FSTL4: variants seen among roughly 807,000 people sequenced by gnomAD.
FSTL4 encodes the protein follistatin-related protein 4.
In FSTL4, 28 loss-of-function variants were observed where a neutral mutation model predicts 78.2. The observed-to-expected ratio is 0.36, with a 90% CI of 0.27 to 0.49. FSTL4 has a LOEUF of 0.49. Among genes scored for constraint, FSTL4 ranks in the 20% least tolerant of loss-of-function variants. FSTL4 has a pLI of 0.98. For synonymous variants in FSTL4, 422 were observed against 440.5 expected (o/e 0.96, Z 0.53); for missense variants, 922 against 1,084.9 (o/e 0.85, Z 2.11).
At chr5:133,553,521 G>A (rs1188776372) in intron 3 of FSTL4, among the ~76,000 whole-genome samples, 1 of 152,182 alleles carries the variant, frequency 6.6e-6, no homozygotes, top group African/African-American at 2.4e-5. Flanking sequence ...CCAACTTACT[G>A]AAACGCCCAG....
chr5:133,527,507 A>G (rs1318103), intron 3 of FSTL4, among the ~76,000 whole-genome samples: 38,164 of 151,374 alleles, frequency 0.25, 5,202 homozygotes, highest in East Asian at 0.41. Flanking sequence ...ACACACCCAT[A>G]AGTGCATTCA....
In FSTL4 at chr5:133,344,607, G is replaced by T. The variant is rs1263461043; in HGVS notation, c.410-27955C>A. ...TTTAGTTTGCTTAATATTTTATGAT[G>T]TCTTTCTGGTTTAGCAATTTGCCTT... is the stretch of plus-strand genomic sequence containing the variant. On this transcript the variant is annotated intron_variant, in intron 4 of 15. Transcript: ENST00000265342. Among the ~76,000 whole-genome samples the T allele has an allele frequency of 3.3e-5, 5 of 152,264 alleles. No individual in the cohort carries two copies. In the East Asian group the frequency reaches 9.6e-4, roughly 29 times the overall value.
intron 11 of FSTL4, 172 bp from the exon 12 acceptor site, chr5:133,221,038 G>T: frequency 1.4e-6 from 1 of 703,586 alleles, no homozygotes. Context: ...GTAGCTGGAT[G>T]GGTGCAGAGA....
chr5:133,706,529 T>A, the FSTL4 span, among the ~76,000 whole-genome samples: 1 of 152,220 alleles, frequency 6.6e-6, no homozygotes, highest in Non-Finnish European at 1.5e-5. Flanking sequence ...TTTAAGACTC[T>A]TAGAAGGCTT....
chr5:133,382,165 C>G (rs1755589670), intron 4 of FSTL4, among the ~76,000 whole-genome samples: 1 of 152,206 alleles, frequency 6.6e-6, no homozygotes, highest in South Asian at 2.1e-4. Flanking sequence ...TTTGCTCAGC[C>G]TCTCCTGCCA....
chr5:133,775,283 C>T, the FSTL4 span, among the ~76,000 whole-genome samples: 1 of 152,102 alleles, frequency 6.6e-6, no homozygotes, highest in African/African-American at 2.4e-5. Flanking sequence ...AGCATAAATC[C>T]CATGGTTTTA....
chr5:133,681,226 C>T, the FSTL4 span, among the ~76,000 whole-genome samples: 3 of 152,350 alleles, frequency 2.0e-5, no homozygotes, highest in East Asian at 3.9e-4. Context: ...CCGGGCAGTC[C>T]TTGGCAAGCG....
intron 3 of FSTL4, among the ~76,000 whole-genome samples, chr5:133,530,972 G>A (rs934550696): frequency 5.9e-5 from 9 of 152,230 alleles, no homozygotes; most frequent in Non-Finnish European, 1.2e-4. Flanking sequence ...CTGGACCACA[G>A]TAGGCTGTGC....
intron 6 of FSTL4, among the ~76,000 whole-genome samples, chr5:133,284,665 C>A (rs906114424): frequency 7.2e-5 from 11 of 152,202 alleles, no homozygotes; most frequent in Non-Finnish European, 1.3e-4. Context: ...CCTTGGGCAA[C>A]CCTCCTGGAG....
intron 3 of FSTL4, among the ~76,000 whole-genome samples, chr5:133,422,275 G>A (rs1010794591): frequency 1.3e-5 from 2 of 152,112 alleles, no homozygotes; most frequent in African/African-American, 2.4e-5. Context: ...AGAGTGGTAC[G>A]ATATGATCTA....
chr5:133,693,563 G>A, the FSTL4 span, among the ~76,000 whole-genome samples: 1 of 152,196 alleles, frequency 6.6e-6, no homozygotes, highest in South Asian at 2.1e-4. Context: ...CTTGGTTGCT[G>A]CAGCCCTGAC....
the FSTL4 span, among the ~76,000 whole-genome samples, chr5:133,653,492 C>T: frequency 6.6e-6 from 1 of 152,192 alleles, no homozygotes; most frequent in African/African-American, 2.4e-5. Flanking sequence ...AACTCAGGCC[C>T]CTGCCTAGCA....
intron 3 of FSTL4, among the ~76,000 whole-genome samples, chr5:133,511,555 G>A (rs1202370218): frequency 6.6e-6 from 1 of 152,176 alleles, no homozygotes; most frequent in African/African-American, 2.4e-5. Flanking sequence ...CCCAAAGGCT[G>A]CAACTCCAAA....
At chr5:133,817,729 C>A in the FSTL4 span, among the ~76,000 whole-genome samples, 1 of 152,162 alleles carries the variant, frequency 6.6e-6, no homozygotes, top group African/African-American at 2.4e-5. Flanking sequence ...GGAAAGGGAG[C>A]CCAGAAAATG....
intron 1 of FSTL4, among the ~76,000 whole-genome samples, chr5:133,604,434 G>A (rs1027906502): frequency 4.6e-5 from 7 of 152,194 alleles, no homozygotes; most frequent in South Asian, 2.1e-4. Flanking sequence ...ATGGCTGGGC[G>A]CAGTGGCTCA....
the FSTL4 span, among the ~76,000 whole-genome samples, chr5:133,694,471 C>T: frequency 2.0e-5 from 3 of 152,266 alleles, no homozygotes; most frequent in African/African-American, 4.8e-5. Flanking sequence ...TTGCTAGGTG[C>T]TAGGGCACCG....
the FSTL4 span, among the ~76,000 whole-genome samples, chr5:133,798,759 C>T: frequency 2.0e-5 from 3 of 152,104 alleles, no homozygotes; most frequent in East Asian, 5.8e-4. Context: ...TGGGCTCCTA[C>T]AGCCCTGTAC....
At position 133,199,277 on chromosome 5, in the gene FSTL4, C is replaced by T. The variant is rs1750239943; in HGVS notation, c.2347G>A (p.Gly783Arg). 1.2e-6 allele frequency: 2 copies of T among 1,614,040 alleles called. No homozygotes were observed. Among genetic ancestry groups the T allele is most frequent in the Non-Finnish European group, 1.7e-6 (2 of 1,179,866 alleles). Reference protein sequence around the residue: ...MLKNLKEPPAGPAQPWGGTHR... With the variant: ...MLKNLKEPPARPAQPWGGTHR... Reference sequence around the variant, plus strand: ...GTACCCCCCCAGGGCTGAGCTGGCCCTGCGGGTGGCTCCTTTAAGTTCTTC... The same window carrying T: ...GTACCCCCCCAGGGCTGAGCTGGCCTTGCGGGTGGCTCCTTTAAGTTCTTC... The change falls in exon 16 of 16, where the codon GGG (glycine) becomes AGG (arginine). Residue 783 changes from glycine to arginine, a missense_variant. By Grantham distance (125) the Gly-to-Arg change is moderately radical (BLOSUM62 -2). Coordinates refer to ENST00000265342, the MANE Select transcript of FSTL4 (RefSeq NM_015082.2). The surrounding 1 kb of genome is among the most constrained non-coding windows in gnomAD (Gnocchi z 4.4).
At chr5:133,623,491 A>G in the FSTL4 span, among the ~76,000 whole-genome samples, 211 of 152,120 alleles carry the variant, frequency 1.4e-3, 1 homozygote, top group African/African-American at 5.0e-3. Context: ...CAAATTCAAA[A>G]ACTGACTTAA....
Sources: allele counts gnomAD v4.1 joint callset (sites outside exome capture counted in the v4.1 genomes callset), GRCh38; gene constraint gnomAD v4.1.1; non-coding constraint Gnocchi (gnomAD v3.1); transcripts MANE v1.5; gene names NCBI Gene and HGNC (gene_info 2026-07-23, HGNC 2026-07-21).